PLXNA4: variants seen among roughly 807,000 people sequenced by gnomAD.
PLXNA4 encodes plexin-A4.
Under a neutral mutation model 191.8 loss-of-function variants are expected in PLXNA4, and 44 were observed. The observed-to-expected ratio is 0.23, with a 90% CI of 0.18 to 0.29. The LOEUF (loss-of-function observed/expected upper bound fraction) is 0.29, where lower values mean the gene tolerates loss of function less well. Ranked by LOEUF, PLXNA4 falls within the 10% of genes least tolerant of loss-of-function variation. PLXNA4 has a pLI of 1.00. For synonymous variants in PLXNA4, 1,082 were observed against 1,009.5 expected, an observed-to-expected ratio of 1.07 and a Z score of -1.36; for missense variants, 1,800 against 2,488.8, an observed-to-expected ratio of 0.72 and a Z score of 5.89.
At position 132,125,617 on chromosome 7, in the gene PLXNA4, T is replaced by G. The variant is rs1418055383; in HGVS notation, c.*4862A>C. 6.6e-6 allele frequency: 1 copy of G among 151,950 alleles called. No homozygotes were observed. Among genetic ancestry groups the G allele is most frequent in the South Asian group, 2.1e-4 (1 of 4,832 alleles). The allele number at this position is 151,950 out of a possible 1,614,324, so 9.4% of individuals were successfully genotyped here. On this transcript the variant is annotated 3_prime_UTR_variant, in exon 32 of 32. Coordinates refer to ENST00000321063, the MANE Select transcript of PLXNA4 (RefSeq NM_020911.2). ...AATGGCCCACAGTTTTGTTTTGTTT[T>G]GTTTTTTTTAAAGGAAGAGGCTGAG...
At chr7:132,517,338 G>T (rs1278028118) in intron 1 of PLXNA4, among the ~76,000 whole-genome samples, 1 of 152,150 alleles carries the variant, frequency 6.6e-6, no homozygotes. Flanking sequence ...AGAAATAAGT[G>T]TGTTTTCTCT....
intron 3 of PLXNA4, among the ~76,000 whole-genome samples, chr7:132,345,193 T>C (rs575575024): frequency 7.9e-5 from 12 of 152,262 alleles, no homozygotes; most frequent in Non-Finnish European, 1.8e-4. Context: ...ACATTACGGC[T>C]GGTTACTTTG....
At chr7:132,526,282 A>G (rs1000526053) in intron 1 of PLXNA4, among the ~76,000 whole-genome samples, 1 of 152,166 alleles carries the variant, frequency 6.6e-6, no homozygotes, top group African/African-American at 2.4e-5. Context: ...CTCCATCACC[A>G]TGGCCCCATG....
In PLXNA4 at chr7:132,347,392, C is replaced by G. The variant is rs141683419; in HGVS notation, c.1372-49170G>C. Among the ~76,000 whole-genome samples the G allele has an allele frequency of 9.1e-4, 138 of 152,296 alleles. 1 individual carries two copies. The highest frequency in any genetic ancestry group is 3.3e-3 in the African/African-American group (137 of 41,566). The stretch of plus-strand genomic sequence containing the variant: ...AGCAAGACACGAAAGGAGGGTGCAT[C>G]TGTAGGAAGTTTGGATTCCCACAAG... On this transcript the variant is annotated intron_variant, in intron 3 of 31. Coordinates refer to ENST00000321063, the MANE Select transcript of PLXNA4 (RefSeq NM_020911.2).
In PLXNA4 at chr7:132,210,695, C is replaced by T. The variant is rs142764345; in HGVS notation, c.2298+248G>A. Among the ~76,000 whole-genome samples the T allele has an allele frequency of 9.3e-3, 1,424 of 152,310 alleles. 11 individuals carry two copies. Among genetic ancestry groups the T allele is most frequent in the Middle Eastern group, 0.024 (7 of 294 alleles). On this transcript the variant is annotated intron_variant, in intron 10 of 31. Coordinates refer to ENST00000321063, the MANE Select transcript of PLXNA4 (RefSeq NM_020911.2). ...ATATCCCTTCTAATCCTGTCTTACA[C>T]GGACAACCTTCATCACAAAACATTT...
intron 3 of PLXNA4, among the ~76,000 whole-genome samples, chr7:132,385,592 C>T (rs577255703): frequency 3.3e-4 from 50 of 152,344 alleles, no homozygotes; most frequent in African/African-American, 9.4e-4. Context: ...TGGCACGTGT[C>T]TTAGACAGCA....
intron 29 of PLXNA4, among the ~76,000 whole-genome samples, chr7:132,143,703 C>T (rs1389080085): frequency 2.0e-5 from 3 of 152,198 alleles, no homozygotes; most frequent in Non-Finnish European, 4.4e-5. Flanking sequence ...CGCATCTTAC[C>T]TAAAGGCAGG....
chr7:132,576,315 C>T lies in PLXNA4; in HGVS notation c.-87+107G>A, dbSNP rs972565224. 4.8e-6 allele frequency: 4 copies of T among 834,064 alleles called. No individual in the cohort carries two copies. Among genetic ancestry groups the T allele is most frequent in the Non-Finnish European group, 5.8e-6 (4 of 694,738 alleles). 51.7% of individuals were successfully genotyped at this position (834,064 alleles called of 1,614,324 possible). A position where few individuals can be genotyped will look rare whatever the true frequency, so the allele number is the denominator to read the frequency against. The stretch of plus-strand genomic sequence containing the variant: ...TGCGTGTGTGCGTGTGCGTGTGCCG[C>T]GGGCTGGCTCCGGGACACTGAGGAC... On this transcript the variant is annotated intron_variant, in intron 1 of 31. Coordinates refer to ENST00000321063, the MANE Select transcript of PLXNA4 (RefSeq NM_020911.2). This position sits in a 1 kb window ranked among gnomAD's most constrained non-coding sequence, Gnocchi z 5.8.
In PLXNA4 at chr7:132,385,134, A is replaced by C. The variant is rs988026025; in HGVS notation, c.1372-86912T>G. 11 of 1,604,986 alleles carry C rather than the reference A, an allele frequency of 6.9e-6. No homozygotes were observed. In the African/African-American group the frequency reaches 1.3e-4, roughly 19 times the overall value. On this transcript the variant is annotated intron_variant, in intron 3 of 31. Coordinates refer to ENST00000321063, the MANE Select transcript of PLXNA4 (RefSeq NM_020911.2). ...TGTGTCTCATCTGTTTCCATTTTCCAATATCCAAGGCTGACAACACACTAA... is the reference window on the plus strand; with the variant it reads ...TGTGTCTCATCTGTTTCCATTTTCCCATATCCAAGGCTGACAACACACTAA...
rs116433275 is a variant in PLXNA4, at chr7:132,301,329, C to A, written c.1372-3107G>T. 7.5e-3 allele frequency among the ~76,000 whole-genome samples: 1,138 copies of A among 152,192 alleles called. 9 individuals are homozygous for A. The highest frequency in any genetic ancestry group is 0.026 in the African/African-American group (1,067 of 41,510). On this transcript the variant is annotated intron_variant, in intron 3 of 31. Coordinates refer to ENST00000321063, the MANE Select transcript of PLXNA4 (RefSeq NM_020911.2). Reference sequence around the variant, plus strand: ...ATGGACCAGCTGCCGGCTCTTGGACCCTTAACATAGACAAATAGAACAAGA... The same window carrying A: ...ATGGACCAGCTGCCGGCTCTTGGACACTTAACATAGACAAATAGAACAAGA...
chr7:132,325,199 G>A (rs17818597), intron 3 of PLXNA4, among the ~76,000 whole-genome samples: 1 of 152,106 alleles, frequency 6.6e-6, no homozygotes, highest in South Asian at 2.1e-4. Flanking sequence ...GGCTTCTAGG[G>A]TGCCTAACAG....
intron 3 of PLXNA4, among the ~76,000 whole-genome samples, chr7:132,315,054 T>A (rs888416959): frequency 6.6e-6 from 1 of 152,206 alleles, no homozygotes; most frequent in African/African-American, 2.4e-5. Flanking sequence ...TCCAGTGGAA[T>A]ATTGTGCTCT....
rs115437287 is a variant in PLXNA4, at chr7:132,474,647, C to T, written c.1371+14645G>A. 4.6e-3 allele frequency among the ~76,000 whole-genome samples: 698 copies of T among 152,176 alleles called. 4 individuals are homozygous for T. Among genetic ancestry groups the T allele is most frequent in the African/African-American group, 0.016 (664 of 41,494 alleles). ...ACACACACACACACACGCGCGCGCA[C>T]GCACACACACACAATTAAATCCTAT... On this transcript the variant is annotated intron_variant, in intron 3 of 31. Coordinates refer to ENST00000321063, the MANE Select transcript of PLXNA4 (RefSeq NM_020911.2).
intron 1 of PLXNA4, among the ~76,000 whole-genome samples, chr7:132,564,089 TC>T: frequency 8.6e-6 from 1 of 116,196 alleles, no homozygotes; most frequent in Non-Finnish European, 1.8e-5. Flanking sequence ...CTCCTTCTCT[TC>T]CTCCTCCTCC....
intron 2 of PLXNA4, among the ~76,000 whole-genome samples, chr7:132,622,997 G>A (rs1046033818): frequency 1.3e-5 from 2 of 152,088 alleles, no homozygotes; most frequent in Non-Finnish European, 2.9e-5. Flanking sequence ...GCTGCGAAAG[G>A]AAACCAACCC....
intron 3 of PLXNA4, among the ~76,000 whole-genome samples, chr7:132,342,483 T>A (rs913672155): frequency 6.6e-6 from 1 of 152,078 alleles, no homozygotes; most frequent in Non-Finnish European, 1.5e-5. Context: ...TGTGTTTTAA[T>A]AAACCTGAAA....
chr7:132,144,120 C>A (rs1247876340), intron 29 of PLXNA4, among the ~76,000 whole-genome samples: 1 of 152,162 alleles, frequency 6.6e-6, no homozygotes. Flanking sequence ...TTGGTGCGGG[C>A]AACAGGCCCA....
intron 25 of PLXNA4, among the ~76,000 whole-genome samples, chr7:132,153,771 C>T (rs753044178): frequency 1.3e-5 from 2 of 152,210 alleles, no homozygotes; most frequent in Non-Finnish European, 2.9e-5. Flanking sequence ...GTGCACAGCA[C>T]CTGATAGTTC....
chr7:132,360,015 G>A (rs937871852), intron 3 of PLXNA4, among the ~76,000 whole-genome samples: 1 of 152,174 alleles, frequency 6.6e-6, no homozygotes, highest in Non-Finnish European at 1.5e-5. Context: ...AATTGCTATT[G>A]AGTTCTCATT....
Sources: gnomAD v4.1 joint callset for allele counts (sites outside exome capture counted in the v4.1 genomes callset) on GRCh38, gnomAD v4.1.1 for gene constraint, Gnocchi (gnomAD v3.1) non-coding constraint, MANE v1.5 for transcripts, NCBI Gene and HGNC (gene_info 2026-07-23, HGNC 2026-07-21) for gene names.